The following NRG1 variants were observed in gnomAD, a reference collection of about 807,000 sequenced individuals.
The protein encoded by NRG1 is pro-neuregulin-1, membrane-bound isoform.
In NRG1, 18 loss-of-function variants were observed where a neutral mutation model predicts 63.8. The ratio of observed to expected loss-of-function variants is 0.28; its 90% CI spans 0.19 to 0.42. The LOEUF is 0.42. Ranked by LOEUF, NRG1 falls within the 10% of genes least tolerant of loss-of-function variation. The probability of loss-of-function intolerance (pLI) is 1.00; values close to 1 mark genes in which losing one functional copy is unlikely to be tolerated. For synonymous variants in NRG1, 302 were observed against 301.3 expected (o/e 1.00, Z -0.02); for missense variants, 762 against 814.7 (o/e 0.94, Z 0.79).
intron 1 of NRG1, among the ~76,000 whole-genome samples, chr8:32,084,665 A>G (rs940112717): frequency 4.6e-5 from 7 of 152,198 alleles, no homozygotes; most frequent in African/African-American, 1.7e-4. Context: ...TACCATTTGT[A>G]GGAAATATTC....
intron 1 of NRG1, among the ~76,000 whole-genome samples, chr8:31,796,956 A>G (rs1222658229): frequency 6.6e-6 from 1 of 152,172 alleles, no homozygotes; most frequent in East Asian, 1.9e-4. Flanking sequence ...ATATAGGGTC[A>G]GTATAGGCAA....
At chr8:32,030,564 G>T (rs1428802250) in intron 1 of NRG1, 1 of 152,118 alleles carries the variant, frequency 6.6e-6, no homozygotes, top group Non-Finnish European at 1.5e-5. Context: ...TACTGAGGAT[G>T]ATTTTTTTTA....
exon 12 of NRG1, chr8:32,767,956 G>T (rs1831553927): frequency 6.6e-6 from 1 of 152,130 alleles, no homozygotes; most frequent in African/African-American, 2.4e-5. Context: ...CTACTCTGTG[G>T]AGACCTGGGA....
chr8:32,556,313 CA>C (rs1835167178), intron 1 of NRG1, among the ~76,000 whole-genome samples: 2 of 152,130 alleles, frequency 1.3e-5, no homozygotes, highest in African/African-American at 2.4e-5. Flanking sequence ...GAAGCAGTAA[CA>C]TTTTTTACAA....
chr8:31,689,801 A>G (rs1176128108), intron 1 of NRG1, among the ~76,000 whole-genome samples: 1 of 152,216 alleles, frequency 6.6e-6, no homozygotes, highest in African/African-American at 2.4e-5. Context: ...AAGACATCCT[A>G]TATAGAGGGT....
intron 1 of NRG1, among the ~76,000 whole-genome samples, chr8:31,779,347 T>A (rs1253932417): frequency 6.6e-6 from 1 of 152,120 alleles, no homozygotes; most frequent in Non-Finnish European, 1.5e-5. Flanking sequence ...AGCTGTAAGT[T>A]TTGGATGAGA....
chr8:32,221,317 G>C (rs533484364), intron 1 of NRG1, among the ~76,000 whole-genome samples: 7 of 152,248 alleles, frequency 4.6e-5, no homozygotes, highest in Admixed American at 1.3e-4. Context: ...TCCTTTACCT[G>C]TCTTGATGCA....
intron 5 of NRG1, among the ~76,000 whole-genome samples, chr8:32,718,155 G>A (rs1011341198): frequency 1.3e-5 from 2 of 152,182 alleles, no homozygotes; most frequent in Admixed American, 6.5e-5. Flanking sequence ...TTACCGGTGA[G>A]TATTGCATAT....
intron 1 of NRG1, among the ~76,000 whole-genome samples, chr8:32,427,112 G>T (rs1817482069): frequency 6.6e-6 from 1 of 151,780 alleles, no homozygotes; most frequent in Non-Finnish European, 1.5e-5. Flanking sequence ...TTATTATCCA[G>T]AATTGTAAGT....
chr8:31,930,143 G>C (rs1009415994), intron 1 of NRG1, among the ~76,000 whole-genome samples: 6 of 152,158 alleles, frequency 3.9e-5, no homozygotes, highest in Non-Finnish European at 8.8e-5. Context: ...AGTATGATTA[G>C]TGACATGAAG....
At chr8:32,161,913 CCTT>C (rs1335317013) in intron 1 of NRG1, among the ~76,000 whole-genome samples, 1 of 152,204 alleles carries the variant, frequency 6.6e-6, no homozygotes, top group Non-Finnish European at 1.5e-5. Context: ...GTGACATAAA[CCTT>C]CTGCTCACAT....
intron 1 of NRG1, among the ~76,000 whole-genome samples, chr8:31,930,646 G>T (rs2129619876): frequency 6.6e-6 from 1 of 152,174 alleles, no homozygotes; most frequent in African/African-American, 2.4e-5. Flanking sequence ...AATAATTTAA[G>T]ACAAAACAAT....
chr8:31,728,253 C>G (rs1813653607), intron 1 of NRG1, among the ~76,000 whole-genome samples: 1 of 152,044 alleles, frequency 6.6e-6, no homozygotes. Context: ...CATCTGAGGT[C>G]AGGAGTTTGA....
chr8:32,044,413 C>G (rs189464794), intron 1 of NRG1, among the ~76,000 whole-genome samples: 2 of 151,730 alleles, frequency 1.3e-5, no homozygotes, highest in African/African-American at 4.8e-5. Context: ...AGAAAATATG[C>G]CTTGATATAG....
chr8:32,686,683 A>G (rs562059076), intron 5 of NRG1, among the ~76,000 whole-genome samples: 99 of 152,336 alleles, frequency 6.5e-4, no homozygotes, highest in African/African-American at 2.0e-3. Context: ...CTCTGATTCT[A>G]TAAGGCAAAT....
intron 1 of NRG1, among the ~76,000 whole-genome samples, chr8:31,845,219 A>T (rs1475340923): frequency 6.6e-6 from 1 of 152,168 alleles, no homozygotes; most frequent in Non-Finnish European, 1.5e-5. Context: ...TTTATATTTT[A>T]TGGTTAGATA....
intron 1 of NRG1, among the ~76,000 whole-genome samples, chr8:32,034,077 G>T (rs1818675046): frequency 6.6e-6 from 1 of 152,134 alleles, no homozygotes; most frequent in Admixed American, 6.5e-5. Context: ...TATGATATTG[G>T]CTGTAGGTTT....
chr8:31,925,007 G>C (rs1043858230), intron 1 of NRG1, among the ~76,000 whole-genome samples: 6 of 151,052 alleles, frequency 4.0e-5, no homozygotes, highest in African/African-American at 1.5e-4. Flanking sequence ...TTGTTTTATT[G>C]CTTATCATAT....
rs1006695769 is a variant in NRG1 at position 31,796,355 on chromosome 8, C to T, written c.37+156924C>T. 5.7e-5 allele frequency among the ~76,000 whole-genome samples: 8 copies of T among 139,606 alleles called. No homozygotes were observed. The East Asian group carries it at 6.6e-4, about 12-fold the overall frequency. The allele number at this position is 139,606 out of a possible 152,430, so 91.6% of individuals were successfully genotyped here. A position where few individuals can be genotyped will look rare whatever the true frequency, so the allele number is the denominator to read the frequency against. On this transcript the variant is annotated intron_variant, in intron 1 of 10. Coordinates refer to the NRG1 transcript ENST00000519301. ...TCTAACCCCATCTTAAAAAACAAAG[C>T]GGCGGGGAGTTTTTCTTTTGATATC...
Sources: allele counts gnomAD v4.1 joint callset (sites outside exome capture counted in the v4.1 genomes callset), GRCh38; gene constraint gnomAD v4.1.1; transcripts MANE v1.5; gene names NCBI Gene and HGNC (gene_info 2026-07-23, HGNC 2026-07-21).